NIBAN3: variants seen among roughly 807,000 people sequenced by gnomAD.
NIBAN3 encodes protein Niban 3.
Under a neutral mutation model 76.4 loss-of-function variants are expected in NIBAN3, and 66 were observed. That is an observed-to-expected ratio of 0.86 (90% CI 0.71 to 1.06). The LOEUF is 1.06. NIBAN3 is among the 50% of genes least tolerant of loss of function. The probability of loss-of-function intolerance (pLI) is 0.00; values close to 1 mark genes in which losing one functional copy is unlikely to be tolerated. For missense variants in NIBAN3, 808 were observed against 810.7 expected, an observed-to-expected ratio of 1.00 and a Z score of 0.04; for synonymous variants, 360 against 355.2, an observed-to-expected ratio of 1.01 and a Z score of -0.15.
chr19:17,527,218 G>C (rs748038255), upstream of NIBAN3: 85 of 1,547,706 alleles, frequency 5.5e-5, no homozygotes, highest in Non-Finnish European at 7.3e-5. Flanking sequence ...GGGTGGGGCA[G>C]GGGCGGGGCC....
chr19:17,529,920 A>G (rs2075682089), intron 1 of NIBAN3, among the ~76,000 whole-genome samples: 1 of 152,092 alleles, frequency 6.6e-6, no homozygotes, highest in Non-Finnish European at 1.5e-5. Flanking sequence ...TTAGCTGGGC[A>G]TGGTGGCACG....
At chr19:17,533,492 C>T (rs117340694) in intron 3 of NIBAN3, 95 bp from the exon 4 acceptor site, 25,003 of 746,958 alleles carry the variant, frequency 0.033, 572 homozygotes, top group Non-Finnish European at 0.044. Flanking sequence ...GAGGATTTTT[C>T]AGCTCATCTG....
chr19:17,539,641 C>T lies in NIBAN3; in HGVS notation c.855C>T (p.Ala285=). ...DAVHAAVLAG[A]SAGLCAFQPE... is the part of the protein sequence containing the mutation. ...TTCACGCAGCTGTCCTGGCCGGGGC[C>T]TCCGCCGGGCTCTGCGCCTTCCAGC... The change falls in exon 8 of 15, where the codon GCC becomes GCT. Residue 285 remains alanine, a synonymous_variant. Coordinates refer to ENST00000599164, the MANE Select transcript of NIBAN3 (RefSeq NM_001321827.2). 1 of 1,568,898 alleles carries T rather than the reference C, an allele frequency of 6.4e-7. No individual in the cohort carries two copies. Among genetic ancestry groups the T allele is most frequent in the Middle Eastern group, 1.7e-4 (1 of 6,002 alleles).
At chr19:17,540,288 C>A in intron 8 of NIBAN3, 104 bp from the exon 9 acceptor site, 1 of 754,942 alleles carries the variant, frequency 1.3e-6, no homozygotes. Flanking sequence ...TAGAAGAGGG[C>A]GCTCAGCGTC....
At position 17,527,335 on chromosome 19, in the gene NIBAN3, A is replaced by C. The variant is rs200304763; in HGVS notation, c.-6A>C. On this transcript the variant is annotated 5_prime_UTR_variant, in exon 1 of 15. Transcript: ENST00000599164. ...GGGAAGAGGAGCCCCGGGAGACGACAGCAGCATGGGTGGGCGGCCTTCGAG... is the reference window on the plus strand; with the variant it reads ...GGGAAGAGGAGCCCCGGGAGACGACCGCAGCATGGGTGGGCGGCCTTCGAG... 1,537 of 1,548,766 alleles carry C rather than the reference A, an allele frequency of 9.9e-4. 17 individuals are homozygous for C. The South Asian group carries it at 0.011, about 11-fold the overall frequency.
At chr19:17,547,285 C>T (rs1173953976) in intron 13 of NIBAN3, among the ~76,000 whole-genome samples, 5 of 142,258 alleles carry the variant, frequency 3.5e-5, no homozygotes, top group South Asian at 2.5e-4. Flanking sequence ...ACCCAGGAGG[C>T]GGAGGTTGCA....
In NIBAN3 at chr19:17,539,361, G is replaced by T; in HGVS notation, c.726G>T (p.Val242=). 6.5e-7 allele frequency: 1 copy of T among 1,545,096 alleles called. No individual in the cohort carries two copies. Among genetic ancestry groups the T allele is most frequent in the Non-Finnish European group, 8.7e-7 (1 of 1,146,966 alleles). ...LGSDAEVLTA[V]LMREQLPALR... ...CTCTCCTGCAGGTGCTGACCGCGGTGCTGATGCGGGAGCAACTTCCCGCGC... is the reference window on the plus strand; with the variant it reads ...CTCTCCTGCAGGTGCTGACCGCGGTTCTGATGCGGGAGCAACTTCCCGCGC... The change falls in exon 7 of 15, where the codon GTG becomes GTT. Residue 242 remains valine, a synonymous_variant. Coordinates refer to ENST00000599164, the MANE Select transcript of NIBAN3 (RefSeq NM_001321827.2).
At chr19:17,531,007 T>C (rs2144678935) in intron 2 of NIBAN3, 122 bp downstream of exon 2, 3 of 1,147,502 alleles carry the variant, frequency 2.6e-6, no homozygotes, top group East Asian at 2.9e-5. Flanking sequence ...TAAATATGCA[T>C]TGTTTAAATA....
chr19:17,531,201 C>G (rs936343520), intron 2 of NIBAN3, among the ~76,000 whole-genome samples: 25 of 152,078 alleles, frequency 1.6e-4, no homozygotes, highest in Admixed American at 1.4e-3. Flanking sequence ...GTAGCGCGCA[C>G]CTGTAGTCCC....
intron 2 of NIBAN3, among the ~76,000 whole-genome samples, chr19:17,531,365 A>G (rs2075720854): frequency 7.2e-6 from 1 of 139,656 alleles, no homozygotes; most frequent in Admixed American, 6.9e-5. Context: ...ACACACACAC[A>G]CACACACAAC....
At chr19:17,539,106 G>A in intron 5 of NIBAN3, 44 bp from the exon 6 acceptor site, 1 of 1,511,746 alleles carries the variant, frequency 6.6e-7, no homozygotes, top group Non-Finnish European at 8.9e-7. Flanking sequence ...TCGGGAGCCA[G>A]GCAGGGGAGC....
At chr19:17,541,866 T>A (rs554118463) in intron 9 of NIBAN3, among the ~76,000 whole-genome samples, 1 of 152,006 alleles carries the variant, frequency 6.6e-6, no homozygotes, top group East Asian at 1.9e-4. Context: ...GTATTTTTAG[T>A]TGAGACAGGG....
At position 17,539,195 on chromosome 19, in the gene NIBAN3, C is replaced by A. The variant is rs1362756917; in HGVS notation, c.641C>A (p.Ala214Asp). 4 of 1,606,894 alleles carry A rather than the reference C, an allele frequency of 2.5e-6. No homozygotes were observed. The highest frequency in any genetic ancestry group is 3.4e-6 in the Non-Finnish European group (4 of 1,177,206). Residue 214 changes from alanine to aspartate, a missense_variant, in exon 6 of 15, where the codon GCC becomes GAC. Coordinates refer to ENST00000599164, the MANE Select transcript of NIBAN3 (RefSeq NM_001321827.2). The part of the protein sequence containing the change: ...QAPAARAFLD[A>D]VRLYRQHQGH... ...CCTGCTGCCCGGGCCTTCCTGGACG[C>A]CGTCCGACTCTACCGGCAGCACCAA...
At chr19:17,535,639 T>G (rs1302812290) in intron 4 of NIBAN3, among the ~76,000 whole-genome samples, 6 of 151,038 alleles carry the variant, frequency 4.0e-5, no homozygotes, top group Non-Finnish European at 8.8e-5. Flanking sequence ...TCCCAGCTAC[T>G]CAGGAGACCG....
chr19:17,530,101 C>T (rs2034798200), intron 1 of NIBAN3, among the ~76,000 whole-genome samples: 1 of 151,352 alleles, frequency 6.6e-6, no homozygotes. Flanking sequence ...CACTGGAGCT[C>T]AGGAGTTCAA....
At chr19:17,546,640 A>G (rs1156386181) in intron 12 of NIBAN3, 46 bp from the exon 13 acceptor site, 15 of 1,477,910 alleles carry the variant, frequency 1.0e-5, no homozygotes, top group Non-Finnish European at 1.3e-5. Flanking sequence ...AGGCCTCTAG[A>G]GGGGCCCTCC....
intron 12 of NIBAN3, chr19:17,543,878 G>C (rs2076001831): frequency 3.4e-6 from 1 of 296,988 alleles, no homozygotes. Flanking sequence ...TGTAATTCCA[G>C]CTACTCAGGA....
Position 17,551,817 on chromosome 19 carries a change from G to C in NIBAN3, c.1782G>C (p.Gly594=), listed in dbSNP as rs773906480. The change falls in exon 15 of 15, where the codon GGG becomes GGC. Residue 594 remains glycine (G), a synonymous_variant. Coordinates refer to ENST00000599164, the MANE Select transcript of NIBAN3 (RefSeq NM_001321827.2). ...AAACTGAGGCTGAGCGGGAAGGAGG[G>C]GCTTGTCCCAGGCAGCCAGACTCTG... ...DEETEAEREG[G]ACPRQPDSGA... is the part of the protein sequence containing the mutation. 1 of 779,904 alleles carries C rather than the reference G, an allele frequency of 1.3e-6. No individual in the cohort carries two copies. Among genetic ancestry groups the C allele is most frequent in the Non-Finnish European group, 2.4e-6 (1 of 417,306 alleles). 48.3% of individuals were successfully genotyped at this position (779,904 alleles called of 1,614,324 possible). A position where few individuals can be genotyped will look rare whatever the true frequency, so the allele number is the denominator to read the frequency against.
At chr19:17,540,794 C>G (rs1568456084) in intron 9 of NIBAN3, among the ~76,000 whole-genome samples, 1 of 152,210 alleles carries the variant, frequency 6.6e-6, no homozygotes, top group African/African-American at 2.4e-5. Flanking sequence ...AGTGTAGTGG[C>G]ACAATCTTAA....
Sources: gnomAD v4.1 joint callset for allele counts (sites outside exome capture counted in the v4.1 genomes callset) on GRCh38, gnomAD v4.1.1 for gene constraint, MANE v1.5 for transcripts, NCBI Gene and HGNC (gene_info 2026-07-23, HGNC 2026-07-21) for gene names.